Variants in RNF213 observed in about 807,000 individuals in gnomAD.
RNF213 encodes the protein E3 ubiquitin-protein ligase RNF213.
RNF213 carries 341 observed loss-of-function variants against 514.4 expected under a neutral mutation model. The ratio of observed to expected loss-of-function variants is 0.66; its 90% CI spans 0.61 to 0.73. The LOEUF (loss-of-function observed/expected upper bound fraction) is 0.73. Among genes scored for constraint, RNF213 ranks in the 30% least tolerant of loss-of-function variants. RNF213 has a pLI of 0.00. For missense variants in RNF213, 5,767 were observed against 6,615.6 expected (o/e 0.87, Z 4.45); for synonymous variants, 2,655 against 2,658.2 (o/e 1.00, Z 0.04).
At chr17:80,284,078 G>A (rs113077984) in intron 3 of RNF213, among the ~76,000 whole-genome samples, 168 of 151,180 alleles carry the variant, frequency 1.1e-3, no homozygotes, top group African/African-American at 3.8e-3. Flanking sequence ...TGAAAATTAC[G>A]GCCGGGCACA....
At position 80,313,159 on chromosome 17, in the gene RNF213, G is replaced by GAAATTGA; in HGVS notation, c.2804_2810dup (p.Val938AsnfsTer2). On this transcript the variant is annotated frameshift_variant, in exon 15 of 68. Transcript: ENST00000582970. LOFTEE classifies it high-confidence loss of function. The stretch of plus-strand genomic sequence containing the variant: ...AGGTGCCTCATTCACATACGTCAAG[G>GAAATTGA]AAATTGAGGTAGGCATTTGGCCGAA... 6.2e-7 allele frequency: 1 copy of GAAATTGA among 1,614,094 alleles called. No individual in the cohort carries two copies.
At chr17:80,303,877 C>A (rs559425312) in intron 11 of RNF213, among the ~76,000 whole-genome samples, 1 of 150,604 alleles carries the variant, frequency 6.6e-6, no homozygotes, top group African/African-American at 2.4e-5. Context: ...CCTGGCCAGC[C>A]GTTGGGAACC....
At chr17:80,298,087 C>T (rs549255270) in intron 10 of RNF213, among the ~76,000 whole-genome samples, 4 of 152,332 alleles carry the variant, frequency 2.6e-5, no homozygotes, top group Admixed American at 1.3e-4. Context: ...AGATCCCTCC[C>T]CTGTCCTGGG....
At chr17:80,336,466 C>T (rs768715519) in intron 23 of RNF213, 88 bp downstream of exon 23, 1 of 1,162,102 alleles carries the variant, frequency 8.6e-7, no homozygotes, top group Admixed American at 2.0e-5. Flanking sequence ...AATGGTGGCA[C>T]ACCTGTGTGG....
At chr17:80,284,185 C>G (rs905430240) in intron 3 of RNF213, among the ~76,000 whole-genome samples, 4 of 151,188 alleles carry the variant, frequency 2.6e-5, no homozygotes, top group African/African-American at 7.3e-5. Flanking sequence ...GGTGAAACCC[C>G]ATCTGTACAA....
In RNF213 at chr17:80,358,482, G is replaced by A. The variant is rs748281903; in HGVS notation, c.11054+3G>A. 2.4e-5 allele frequency: 39 copies of A among 1,612,316 alleles called. No homozygotes were observed. Among genetic ancestry groups the A allele is most frequent in the Non-Finnish European group, 3.0e-5 (35 of 1,178,594 alleles). On this transcript the variant is annotated splice_donor_region_variant and intron_variant, in intron 37 of 67. Coordinates refer to ENST00000582970, the MANE Select transcript of RNF213 (RefSeq NM_001256071.3). ...CCTCTTGTGATGAATAATGAAAGGT[G>A]AGTGGAAGGCTTTCTTTCCCTGGGG...
intron 17 of RNF213, among the ~76,000 whole-genome samples, chr17:80,323,549 T>C (rs1374446952): frequency 6.6e-6 from 1 of 152,082 alleles, no homozygotes; most frequent in African/African-American, 2.4e-5. Context: ...TTTCCCCTGT[T>C]AGACAGAGTC....
chr17:80,267,903 T>A (rs1192935158), intron 2 of RNF213, among the ~76,000 whole-genome samples: 1 of 150,850 alleles, frequency 6.6e-6, no homozygotes, highest in Non-Finnish European at 1.5e-5. Flanking sequence ...CACTGCAACC[T>A]CCGCCTCCCA....
intron 3 of RNF213, chr17:80,278,685 T>C (rs1364107720): frequency 2.7e-6 from 4 of 1,503,244 alleles, no homozygotes; most frequent in Admixed American, 4.0e-5. Context: ...GCCCCTGAGG[T>C]GGGGTCTTTG....
At position 80,337,570 on chromosome 17, in the gene RNF213, C is replaced by T. The variant is rs571642913; in HGVS notation, c.4528-16C>T. 2 of 1,537,070 alleles carry T rather than the reference C, an allele frequency of 1.3e-6. No individual in the cohort carries two copies. Among genetic ancestry groups the T allele is most frequent in the African/African-American group, 2.7e-5 (2 of 73,162 alleles). On this transcript the variant is annotated splice_polypyrimidine_tract_variant and intron_variant, in intron 23 of 67. Transcript: ENST00000582970. ...GCTCCAACCGTGGCCCGTGTTCTCT[C>T]CTTTTGTCCCCATAGTGTGACTCCG...
Position 80,390,098 on chromosome 17 carries a change from T to G in RNF213, c.15372T>G (p.Thr5124=). 6.2e-7 allele frequency: 1 copy of G among 1,614,216 alleles called. No homozygotes were observed. Among genetic ancestry groups the G allele is most frequent in the Non-Finnish European group, 8.5e-7 (1 of 1,180,038 alleles). Residue 5124 remains threonine (T), a synonymous_variant, in exon 67 of 68, where the codon ACT becomes ACG. Transcript: ENST00000582970. ...AKLLSTFLNQ[T]GLDAFLLELH... is the part of the protein sequence containing the mutation. ...TCCTCAGCACATTCCTAAATCAGACTGGCCTAGACGCCTTCCTGCTAGAGC... is the reference window on the plus strand; with the variant it reads ...TCCTCAGCACATTCCTAAATCAGACGGGCCTAGACGCCTTCCTGCTAGAGC...
intron 67 of RNF213, 116 bp from the exon 68 acceptor site, chr17:80,393,229 C>T: frequency 1.9e-6 from 2 of 1,043,404 alleles, no homozygotes; most frequent in South Asian, 2.6e-5. Context: ...GACCCACCCA[C>T]CTCAGCCTCC....
chr17:80,293,699 C>T lies in RNF213; in HGVS notation c.1472-1021C>T, dbSNP rs1260115473. Among the ~76,000 whole-genome samples the T allele has an allele frequency of 3.9e-5, 6 of 151,990 alleles. No homozygotes were observed. The South Asian group carries it at 6.2e-4, about 16-fold the overall frequency. On this transcript the variant is annotated intron_variant, in intron 8 of 67. Transcript: ENST00000582970. ...ATTGGCCGGGCGTCTTGGCAGCGGG[C>T]GCCTGTAGTCCCAGCTACTCGGGAG... is the stretch of plus-strand genomic sequence containing the variant.
intron 3 of RNF213, among the ~76,000 whole-genome samples, chr17:80,286,409 G>A (rs149475943): frequency 6.6e-6 from 1 of 152,320 alleles, no homozygotes; most frequent in African/African-American, 2.4e-5. Flanking sequence ...ATGTGTGATA[G>A]AGAAGGGGTT....
At position 80,393,630 on chromosome 17, in the gene RNF213, A is replaced by C; in HGVS notation, c.*132A>C. On this transcript the variant is annotated 3_prime_UTR_variant, in exon 68 of 68. Transcript: ENST00000582970. ...AGCTGTCAGCGTAGCACCGAATTCA[A>C]GACCAAGGCGTGCTACCTGAGCTGA... 3.0e-6 allele frequency: 3 copies of C among 993,184 alleles called. No individual in the cohort carries two copies. The highest frequency in any genetic ancestry group is 4.5e-6 in the Non-Finnish European group (3 of 661,780). The allele number at this position is 993,184 out of a possible 1,614,324, so 61.5% of individuals were successfully genotyped here. A position where few individuals can be genotyped will look rare whatever the true frequency, so the allele number is the denominator to read the frequency against.
intron 3 of RNF213, among the ~76,000 whole-genome samples, chr17:80,282,855 G>A (rs2044346896): frequency 6.6e-6 from 1 of 151,514 alleles, no homozygotes; most frequent in Non-Finnish European, 1.5e-5. Flanking sequence ...GTGCCACCAC[G>A]CCTGGCTAAT....
chr17:80,390,242 CTG>C (rs1490212267), intron 67 of RNF213, 46 bp downstream of exon 67: 1 of 1,568,714 alleles, frequency 6.4e-7, no homozygotes, highest in Non-Finnish European at 8.8e-7. Flanking sequence ...CAATGTTGTG[CTG>C]TCTCTCCTGT....
intron 21 of RNF213, chr17:80,333,750 A>C: frequency 4.5e-6 from 1 of 220,628 alleles, no homozygotes; most frequent in Non-Finnish European, 9.3e-6. Context: ...CTTGAACCCT[A>C]GTGCACGTCC....
At position 80,336,739 on chromosome 17, in the gene RNF213, A is replaced by G. The variant is rs576327507; in HGVS notation, c.4527+361A>G. Reference sequence around the variant, plus strand: ...ATTGATAGAATTTTTTATCAGAAAAAAGTAAACATTTAAAATTAGCCAGGC... The same window carrying G: ...ATTGATAGAATTTTTTATCAGAAAAGAGTAAACATTTAAAATTAGCCAGGC... On this transcript the variant is annotated intron_variant, in intron 23 of 67. Coordinates refer to ENST00000582970, the MANE Select transcript of RNF213 (RefSeq NM_001256071.3). The G allele has an allele frequency of 1.0e-4, 35 of 351,020 alleles. No homozygotes were observed. In the Admixed American group the frequency reaches 1.2e-3, roughly 12 times the overall value. The allele number at this position is 351,020 out of a possible 1,614,324, so 21.7% of individuals were successfully genotyped here.
Sources: allele counts gnomAD v4.1 joint callset (sites outside exome capture counted in the v4.1 genomes callset), GRCh38; gene constraint gnomAD v4.1.1; transcripts MANE v1.5; gene names NCBI Gene and HGNC (gene_info 2026-07-23, HGNC 2026-07-21).